SI: variants seen among roughly 807,000 people sequenced by gnomAD.
The protein encoded by SI is sucrase-isomaltase.
Under a neutral mutation model 253.3 loss-of-function variants are expected in SI, and 235 were observed. The ratio of observed to expected loss-of-function variants is 0.93; its 90% CI spans 0.83 to 1.03. The LOEUF is 1.03. SI is among the 50% of genes least tolerant of loss of function. The pLI is 0.00. For missense variants in SI, 2,442 were observed against 2,211.1 expected (o/e 1.10, Z -2.09); for synonymous variants, 819 against 712.0 (o/e 1.15, Z -2.39).
chr3:165,066,678 T>G (rs1576920171), intron 6 of SI, among the ~76,000 whole-genome samples: 1 of 152,062 alleles, frequency 6.6e-6, no homozygotes, highest in African/African-American at 2.4e-5. Context: ...GATCATACAG[T>G]ATTTGCCTTT....
chr3:164,983,516 T>C (rs1276453041), intron 45 of SI, among the ~76,000 whole-genome samples: 1 of 152,200 alleles, frequency 6.6e-6, no homozygotes, highest in Non-Finnish European at 1.5e-5. Flanking sequence ...AGTTAGAGAT[T>C]GTTGCAGGTC....
At chr3:164,996,297 A>G (rs1718004693) in intron 40 of SI, among the ~76,000 whole-genome samples, 1 of 151,752 alleles carries the variant, frequency 6.6e-6, no homozygotes, top group Non-Finnish European at 1.5e-5. Flanking sequence ...ACTGAAAGTC[A>G]GCATCATGAA....
chr3:165,087,152 C>CA, the SI span, among the ~76,000 whole-genome samples: 84,836 of 150,198 alleles, frequency 0.56, 24,231 homozygotes, highest in East Asian at 0.8. Context: ...ACAAAACAAA[C>CA]AAACAAAAAA....
At chr3:164,980,919 A>G (rs1294429091) in intron 47 of SI, among the ~76,000 whole-genome samples, 4 of 151,966 alleles carry the variant, frequency 2.6e-5, no homozygotes, top group Non-Finnish European at 5.9e-5. Context: ...TCTTTTCTTT[A>G]TCTGATTGAA....
chr3:164,989,389 G>GAAAGAAAGAAAGA (rs1559978090), intron 44 of SI, among the ~76,000 whole-genome samples: 9 of 59,506 alleles, frequency 1.5e-4, no homozygotes, highest in South Asian at 7.8e-4. Context: ...AGAAAGAAAG[G>GAAAGAAAGAAAGA]AAGAAAGAAA....
Position 164,981,410 on chromosome 3 carries a change from C to CAT in SI, c.5415+831_5415+832dup, listed in dbSNP as rs1166728236. Reference sequence around the variant, plus strand: ...AAGGACCTAGGACTGTGTCCAAATGCATATATATATATTTTTTTAGGTTCA... The same window carrying CAT: ...AAGGACCTAGGACTGTGTCCAAATGCATATATATATATATTTTTTTAGGTTCA... On this transcript the variant is annotated intron_variant, in intron 47 of 47. Transcript: ENST00000264382. Among the ~76,000 whole-genome samples the CAT allele has an allele frequency of 4.6e-5, 7 of 151,862 alleles. No individual in the cohort carries two copies. In the East Asian group the frequency reaches 5.8e-4, roughly 13 times the overall value.
intron 25 of SI, among the ~76,000 whole-genome samples, chr3:165,024,111 T>C (rs1711776720): frequency 6.6e-6 from 1 of 151,482 alleles, no homozygotes; most frequent in South Asian, 2.1e-4. Flanking sequence ...ATGTTTGTTC[T>C]TACTGTTCAT....
intron 37 of SI, 138 bp from the exon 38 acceptor site, chr3:164,998,811 G>T: frequency 1.3e-6 from 1 of 743,118 alleles, no homozygotes; most frequent in Non-Finnish European, 2.3e-6. Flanking sequence ...CTCTTGATAA[G>T]TTTGTCTTCT....
At chr3:165,048,605 AG>A (rs1410181081) in intron 15 of SI, among the ~76,000 whole-genome samples, 6 of 147,756 alleles carry the variant, frequency 4.1e-5, no homozygotes, top group Non-Finnish European at 8.9e-5. Context: ...AGAGAGAGAG[AG>A]AGTCATTCTT....
At chr3:165,050,503 A>T (rs529937732) in intron 13 of SI, among the ~76,000 whole-genome samples, 1 of 152,112 alleles carries the variant, frequency 6.6e-6, no homozygotes, top group African/African-American at 2.4e-5. Context: ...TTTTCTAGCC[A>T]TTTTAACATA....
At position 165,015,722 on chromosome 3, in the gene SI, C is replaced by T. The variant is rs531183527; in HGVS notation, c.3888+230G>A. Among the ~76,000 whole-genome samples, 215 of 152,056 alleles carry T rather than the reference C, an allele frequency of 1.4e-3. 1 individual carries two copies. The highest frequency in any genetic ancestry group is 5.1e-3 in the African/African-American group (211 of 41,506). On this transcript the variant is annotated intron_variant, in intron 32 of 47. Coordinates refer to ENST00000264382, the MANE Select transcript of SI (RefSeq NM_001041.4). ...TGGATGATAACTAGAAAACAGCTTC[C>T]CTTTAACTCAGCTTTGGTTTTAAAT... is the stretch of plus-strand genomic sequence containing the variant.
intron 47 of SI, 121 bp downstream of exon 47, chr3:164,982,122 A>C (rs1269312107): frequency 2.8e-6 from 2 of 711,616 alleles, no homozygotes; most frequent in Middle Eastern, 3.2e-4. Flanking sequence ...ATGAAAAGGA[A>C]TATATGAAGA....
At position 164,994,517 on chromosome 3, in the gene SI, A is replaced by T. The variant is rs1037402883; in HGVS notation, c.4693-112T>A. ...TAAGACATGATATTAATTGATTGTC[A>T]TGTGCTATGTACTTTCTTCCCAAAA... On this transcript the variant is annotated intron_variant, in intron 40 of 47. Transcript: ENST00000264382. 3.6e-6 allele frequency: 4 copies of T among 1,104,750 alleles called. No individual in the cohort carries two copies. The African/African-American group carries it at 6.2e-5, about 17-fold the overall frequency. The allele number at this position is 1,104,750 out of a possible 1,614,324, so 68.4% of individuals were successfully genotyped here.
Position 164,998,574 on chromosome 3 carries a change from A to T in SI, c.4506T>A (p.Tyr1502Ter), listed in dbSNP as rs1718123049. Residue 1502 changes from tyrosine to a stop codon, truncating the protein, a stop_gained, in exon 38 of 48, where the codon TAT (tyrosine) becomes TAA (stop). Transcript: ENST00000264382. LOFTEE classifies it high-confidence loss of function. The stretch of plus-strand genomic sequence containing the variant: ...ATTTGTCCATGTTGTCCCATCGTGC[A>T]TAGTTGTCTCCAAGCCAGTGTCCTC... ...RWGGHWLGDNYARWDNMDKSI... is the reference protein window; with the variant it reads ...RWGGHWLGDN The T allele has an allele frequency of 1.9e-6, 3 of 1,612,176 alleles. No homozygotes were observed. Among genetic ancestry groups the T allele is most frequent in the Non-Finnish European group, 2.5e-6 (3 of 1,178,746 alleles).
intron 7 of SI, among the ~76,000 whole-genome samples, chr3:165,064,855 G>C (rs1264458313): frequency 6.6e-6 from 1 of 152,070 alleles, no homozygotes; most frequent in Non-Finnish European, 1.5e-5. Context: ...AGAACAGTAA[G>C]AAGGACAGAG....
At position 165,033,379 on chromosome 3, in the gene SI, C is replaced by A. The variant is rs369005240; in HGVS notation, c.2565+16G>T. On this transcript the variant is annotated intron_variant, in intron 23 of 47. Transcript: ENST00000264382. ...CAAATTATGCATTTAAGTATATGTA[C>A]AAAGAGAGTGCTTACATTAGAAACT... The A allele has an allele frequency of 6.4e-7, 1 of 1,552,646 alleles. No homozygotes were observed. The highest frequency in any genetic ancestry group is 2.3e-5 in the East Asian group (1 of 42,736).
At chr3:165,027,464 A>G (rs1222289206) in intron 25 of SI, among the ~76,000 whole-genome samples, 2 of 151,468 alleles carry the variant, frequency 1.3e-5, no homozygotes, top group Non-Finnish European at 3.0e-5. Flanking sequence ...TGAAGCCAGT[A>G]TCACCCTAAT....
chr3:165,043,910 C>G (rs1406995079), intron 16 of SI, among the ~76,000 whole-genome samples: 1 of 151,916 alleles, frequency 6.6e-6, no homozygotes, highest in Admixed American at 6.6e-5. Context: ...GAACTCATGA[C>G]TATAAAAATT....
chr3:165,014,703 A>G (rs975378248), intron 33 of SI, among the ~76,000 whole-genome samples: 1 of 152,188 alleles, frequency 6.6e-6, no homozygotes, highest in Non-Finnish European at 1.5e-5. Flanking sequence ...TATATAAAAT[A>G]CAGTGAATTA....
Sources: gnomAD v4.1 joint callset for allele counts (sites outside exome capture counted in the v4.1 genomes callset) on GRCh38, gnomAD v4.1.1 for gene constraint, MANE v1.5 for transcripts, NCBI Gene and HGNC (gene_info 2026-07-23, HGNC 2026-07-21) for gene names.